Variants in ANKRD44 observed in about 807,000 individuals in gnomAD.
The protein encoded by ANKRD44 is serine/threonine-protein phosphatase 6 regulatory ankyrin repeat subunit B.
ANKRD44 carries 35 observed loss-of-function variants against 116.0 expected under a neutral mutation model. That is an observed-to-expected ratio of 0.30 (90% CI 0.23 to 0.40). ANKRD44 has a LOEUF of 0.40. Among genes scored for constraint, ANKRD44 ranks in the 10% least tolerant of loss-of-function variants. The pLI, the probability that ANKRD44 is intolerant of heterozygous loss-of-function variation, is 1.00. For missense variants in ANKRD44, 1,014 were observed against 1,242.6 expected (o/e 0.82, Z 2.77); for synonymous variants, 435 against 461.8 (o/e 0.94, Z 0.74).
intron 1 of ANKRD44, among the ~76,000 whole-genome samples, chr2:197,218,750 CCTTT>C (rs1317179600): frequency 1.9e-4 from 13 of 69,202 alleles, no homozygotes; most frequent in Non-Finnish European, 2.8e-5. Flanking sequence ...GGGTAAAGTC[CCTTT>C]TTTTTTTTTT....
At chr2:197,026,292 G>A (rs1477500257) in intron 16 of ANKRD44, among the ~76,000 whole-genome samples, 5 of 152,184 alleles carry the variant, frequency 3.3e-5, no homozygotes, top group African/African-American at 1.2e-4. Flanking sequence ...AAAGAAAGAA[G>A]TTTCATAGTT....
At chr2:197,081,062 C>T (rs1031713323) in intron 15 of ANKRD44, among the ~76,000 whole-genome samples, 1 of 152,176 alleles carries the variant, frequency 6.6e-6, no homozygotes, top group Non-Finnish European at 1.5e-5. Context: ...ATCTACAGCC[C>T]TGAGTGATGG....
In ANKRD44 at chr2:197,139,848, T is replaced by TTGTGTGTG. The variant is rs71012957; in HGVS notation, c.191-3194_191-3187dup. 3.8e-4 allele frequency among the ~76,000 whole-genome samples: 50 copies of TTGTGTGTG among 131,670 alleles called. 1 individual carries two copies. The highest frequency in any genetic ancestry group is 5.4e-4 in the South Asian group (2 of 3,690). 86.4% of individuals were successfully genotyped at this position (131,670 alleles called of 152,430 possible). On this transcript the variant is annotated intron_variant, in intron 3 of 27. Transcript: ENST00000282272. ...TGGGGGAGGGGGGACTAAGCTGCTT[T>TTGTGTGTG]TGTGTGTGTGTGTGTGTGTGTGTGT...
intron 9 of ANKRD44, among the ~76,000 whole-genome samples, chr2:197,102,948 G>A (rs1450091295): frequency 2.0e-5 from 3 of 152,218 alleles, no homozygotes; most frequent in South Asian, 2.1e-4. Flanking sequence ...TTTGGGGGGT[G>A]GCGGGGCGTG....
chr2:197,123,618 G>A lies in ANKRD44; in HGVS notation c.551-826C>T, dbSNP rs552516459. On this transcript the variant is annotated intron_variant, in intron 6 of 27. Coordinates refer to ENST00000282272, the MANE Select transcript of ANKRD44 (RefSeq NM_001195144.2). ...TGCACTCCTGCCTGGGCAACAGAGC[G>A]AGACCTTGTCTCAAAAAATAAATAA... Among the ~76,000 whole-genome samples, 16 of 152,274 alleles carry A rather than the reference G, an allele frequency of 1.1e-4. No homozygotes were observed. In the South Asian group the frequency reaches 1.7e-3, roughly 16 times the overall value.
At chr2:196,979,641 A>G (rs1370621487) in intron 21 of ANKRD44, among the ~76,000 whole-genome samples, 1 of 138,792 alleles carries the variant, frequency 7.2e-6, no homozygotes, top group African/African-American at 2.8e-5. Flanking sequence ...TCGGCTCACC[A>G]CAAACTCTGC....
At chr2:197,155,453 C>T (rs1270602517) in intron 2 of ANKRD44, among the ~76,000 whole-genome samples, 2 of 152,124 alleles carry the variant, frequency 1.3e-5, no homozygotes, top group African/African-American at 4.8e-5. Context: ...GGGCAAAAGG[C>T]TTGTATGTAA....
At chr2:197,035,776 T>C (rs2076795894) in intron 16 of ANKRD44, among the ~76,000 whole-genome samples, 1 of 149,516 alleles carries the variant, frequency 6.7e-6, no homozygotes, top group South Asian at 2.2e-4. Context: ...AGCTATGACC[T>C]GGCCTCGGCT....
chr2:197,255,360 A>G (rs1344872446), intron 1 of ANKRD44, among the ~76,000 whole-genome samples: 2 of 152,234 alleles, frequency 1.3e-5, no homozygotes, highest in African/African-American at 2.4e-5. Flanking sequence ...AACACAAGCT[A>G]AGTGACAAAA....
At chr2:197,132,218 G>A (rs973336190) in intron 4 of ANKRD44, among the ~76,000 whole-genome samples, 8 of 152,346 alleles carry the variant, frequency 5.3e-5, no homozygotes, top group Non-Finnish European at 1.0e-4. Flanking sequence ...CCAGATGTGG[G>A]GAGCAGGTTG....
chr2:197,232,775 C>T (rs780826208), intron 1 of ANKRD44, among the ~76,000 whole-genome samples: 28 of 152,146 alleles, frequency 1.8e-4, no homozygotes, highest in Non-Finnish European at 2.9e-4. Context: ...GTCCCCTTCT[C>T]GCCTCATTTA....
At chr2:197,162,862 T>C (rs1207040433) in intron 2 of ANKRD44, among the ~76,000 whole-genome samples, 3 of 152,232 alleles carry the variant, frequency 2.0e-5, no homozygotes, top group Admixed American at 2.0e-4. Flanking sequence ...TCAATATATG[T>C]CTTGCAGGAA....
intron 11 of ANKRD44, among the ~76,000 whole-genome samples, 188 bp downstream of exon 11, chr2:197,089,762 T>C (rs1211473037): frequency 2.6e-5 from 4 of 152,184 alleles, no homozygotes; most frequent in African/African-American, 9.7e-5. Flanking sequence ...ATAATGACAT[T>C]CAAACAGCTT....
intron 11 of ANKRD44, among the ~76,000 whole-genome samples, chr2:197,089,060 T>C (rs1206281269): frequency 6.6e-6 from 1 of 152,180 alleles, no homozygotes; most frequent in Non-Finnish European, 1.5e-5. Context: ...ATGAAACCAA[T>C]TTGAGATAAG....
intron 1 of ANKRD44, among the ~76,000 whole-genome samples, chr2:197,210,868 G>GCATC (rs139318092): frequency 1.4e-3 from 214 of 152,306 alleles, no homozygotes; most frequent in Non-Finnish European, 2.4e-3. Context: ...TGGGGCAGAG[G>GCATC]CATCCATGTG....
rs550694382 is a variant in ANKRD44, at chr2:196,988,126, T to C, written c.*1465A>G. ...GAGATAACGTCTCATGGTGAGTCAC[T>C]GCTTTGCTGAAATGATTCTTGTACT... On this transcript the variant is annotated 3_prime_UTR_variant, in exon 28 of 28. Coordinates refer to ENST00000282272, the MANE Select transcript of ANKRD44 (RefSeq NM_001195144.2). 8 of 985,380 alleles carry C rather than the reference T, an allele frequency of 8.1e-6. No homozygotes were observed. In the African/African-American group the frequency reaches 1.2e-4, roughly 15 times the overall value. 61.0% of individuals were successfully genotyped at this position (985,380 alleles called of 1,614,324 possible). A position where few individuals can be genotyped will look rare whatever the true frequency, so the allele number is the denominator to read the frequency against.
chr2:197,154,900 GA>G (rs903711681), intron 2 of ANKRD44, among the ~76,000 whole-genome samples: 34 of 152,088 alleles, frequency 2.2e-4, no homozygotes, highest in African/African-American at 7.0e-4. Flanking sequence ...CCATTCATTT[GA>G]ATGTAACATG....
At chr2:197,093,114 A>ACC (rs151032768) in intron 10 of ANKRD44, among the ~76,000 whole-genome samples, 18,916 of 151,920 alleles carry the variant, frequency 0.12, 1,408 homozygotes, top group Non-Finnish European at 0.17. Flanking sequence ...ACACACACAC[A>ACC]CACACACACA....
intron 1 of ANKRD44, among the ~76,000 whole-genome samples, chr2:197,247,225 AAGAGATCGCACGAGAAC>A: frequency 6.6e-6 from 1 of 152,192 alleles, no homozygotes; most frequent in Non-Finnish European, 1.5e-5. Flanking sequence ...CCAGGCAGCA[AAGAGATCGCACGAGAAC>A]TTATTAGGTT....
Sources: allele counts gnomAD v4.1 joint callset (sites outside exome capture counted in the v4.1 genomes callset), GRCh38; gene constraint gnomAD v4.1.1; transcripts MANE v1.5; gene names NCBI Gene and HGNC (gene_info 2026-07-23, HGNC 2026-07-21).